Variants in DIP2C observed in about 807,000 individuals in gnomAD.
DIP2C encodes DIP2 acetate--CoA ligase C (putative).
A neutral mutation model predicts 192.4 loss-of-function variants in DIP2C; 33 were observed. That is an observed-to-expected ratio of 0.17 (90% confidence interval 0.13 to 0.23). The LOEUF is 0.23. Among genes scored for constraint, DIP2C ranks in the 10% least tolerant of loss-of-function variants. The pLI, the probability that DIP2C is intolerant of heterozygous loss-of-function variation, is 1.00. For missense variants in DIP2C, 1,537 were observed against 2,110.1 expected (o/e 0.73, Z 5.32); for synonymous variants, 979 against 864.1 (o/e 1.13, Z -2.33).
chr10:606,301 AGCCACACAGCTCAGGGCACG>A (rs916229691), intron 1 of DIP2C, among the ~76,000 whole-genome samples: 4 of 152,172 alleles, frequency 2.6e-5, no homozygotes, highest in Admixed American at 1.3e-4. Flanking sequence ...CACCAGTCAC[AGCCACACAGCTCAGGGCACG>A]GCCACTCGCC....
intron 2 of DIP2C, among the ~76,000 whole-genome samples, chr10:483,372 G>A (rs556781230): frequency 8.5e-5 from 13 of 152,338 alleles, no homozygotes; most frequent in Middle Eastern, 3.4e-3. Flanking sequence ...AGCAGCCTCG[G>A]CTTTGGAAAC....
At chr10:453,227 T>C (rs1244031748) in intron 3 of DIP2C, among the ~76,000 whole-genome samples, 2 of 152,152 alleles carry the variant, frequency 1.3e-5, no homozygotes, top group African/African-American at 2.4e-5. Flanking sequence ...CTCCAAAGCC[T>C]TAATTACAAA....
chr10:523,675 C>T (rs79363144), intron 1 of DIP2C, among the ~76,000 whole-genome samples: 3 of 74,396 alleles, frequency 4.0e-5, no homozygotes, highest in Non-Finnish European at 9.0e-5. Context: ...CCTGGAGTGA[C>T]GATGCAGGGA....
chr10:567,757 C>T (rs1489668835), intron 1 of DIP2C, among the ~76,000 whole-genome samples: 3 of 152,174 alleles, frequency 2.0e-5, no homozygotes, highest in Non-Finnish European at 4.4e-5. Flanking sequence ...CCTGCCTCAG[C>T]CTCCAGAGTA....
In DIP2C at chr10:384,410, G is replaced by A. The variant is rs529560259; in HGVS notation, c.1756+136C>T. 736 of 905,790 alleles carry A rather than the reference G, an allele frequency of 8.1e-4. 11 individuals are homozygous for A. In the South Asian group the frequency reaches 0.012, roughly 14 times the overall value. The allele number at this position is 905,790 out of a possible 1,614,324, so 56.1% of individuals were successfully genotyped here. On this transcript the variant is annotated intron_variant, in intron 15 of 36. Transcript: ENST00000280886. The stretch of plus-strand genomic sequence containing the variant: ...GCGCCATCAGGCCTGGCTAATTTTT[G>A]TATTATTAGTAGAAACGGGGTTTCT...
At chr10:291,900 CCGGGAGCCAGA>C (rs1296065054) in intron 32 of DIP2C, among the ~76,000 whole-genome samples, 2 of 152,204 alleles carry the variant, frequency 1.3e-5, no homozygotes, top group African/African-American at 4.8e-5. Flanking sequence ...TCTGTGGACT[CCGGGAGCCAGA>C]GGGGAGCAGG....
rs1318046098 is a variant in DIP2C, at chr10:617,754, C to T, written c.85+71740G>A. ...GGGCGCTCACCTGCTCCTTGTTGCA[C>T]GTAATGACCTGCCACACAGGGCAAC... On this transcript the variant is annotated intron_variant, in intron 1 of 36. Coordinates refer to ENST00000280886, the MANE Select transcript of DIP2C (RefSeq NM_014974.3). Among the ~76,000 whole-genome samples, 5 of 150,864 alleles carry T rather than the reference C, an allele frequency of 3.3e-5. No homozygotes were observed. In the East Asian group the frequency reaches 9.9e-4, roughly 30 times the overall value.
chr10:656,769 G>A (rs976909746), intron 1 of DIP2C, among the ~76,000 whole-genome samples: 13 of 152,300 alleles, frequency 8.5e-5, no homozygotes, highest in African/African-American at 2.4e-4. Flanking sequence ...GTCGGTGAAT[G>A]GAAGGCAACA....
chr10:418,964 G>T (rs11252313), intron 6 of DIP2C, 101 bp downstream of exon 6: 35 of 1,544,206 alleles, frequency 2.3e-5, no homozygotes, highest in Non-Finnish European at 2.8e-5. Flanking sequence ...TGTCAGAACC[G>T]ATTGTACCCC....
intron 7 of DIP2C, 36 bp from the exon 8 acceptor site, chr10:414,146 T>G (rs370220028): frequency 1.9e-6 from 3 of 1,584,332 alleles, no homozygotes; most frequent in East Asian, 2.3e-5. Flanking sequence ...ACAAGAGAAA[T>G]GCATCCACAT....
At chr10:496,501 CCG>C (rs2133617204) in intron 1 of DIP2C, among the ~76,000 whole-genome samples, 1 of 150,826 alleles carries the variant, frequency 6.6e-6, no homozygotes, top group Non-Finnish European at 1.5e-5. Context: ...CAGTGCCCTC[CCG>C]TGTACTTAAA....
At chr10:313,182 G>A (rs551387733) in intron 31 of DIP2C, among the ~76,000 whole-genome samples, 7 of 152,160 alleles carry the variant, frequency 4.6e-5, no homozygotes, top group Non-Finnish European at 8.8e-5. Flanking sequence ...GCCAAAGAAT[G>A]CTAGCCAGTG....
chr10:414,331 G>A (rs1485235686), intron 7 of DIP2C, among the ~76,000 whole-genome samples: 3 of 152,086 alleles, frequency 2.0e-5, no homozygotes, highest in African/African-American at 7.2e-5. Context: ...TGGGTAGAGC[G>A]CTTAGGTGGA....
intron 1 of DIP2C, among the ~76,000 whole-genome samples, chr10:597,557 C>T (rs999272542): frequency 3.9e-5 from 6 of 152,240 alleles, no homozygotes; most frequent in Non-Finnish European, 8.8e-5. Flanking sequence ...GGCAGGAGTG[C>T]ACTAACGCTG....
chr10:431,356 G>A (rs1234544870), intron 4 of DIP2C, among the ~76,000 whole-genome samples: 1 of 152,210 alleles, frequency 6.6e-6, no homozygotes, highest in Admixed American at 6.5e-5. Flanking sequence ...TTCTGTGAAT[G>A]AGTTTTGTAG....
intron 3 of DIP2C, among the ~76,000 whole-genome samples, chr10:464,857 T>G (rs1276042708): frequency 6.6e-6 from 1 of 151,968 alleles, no homozygotes; most frequent in East Asian, 1.9e-4. Context: ...AATCTCTGAA[T>G]AGACCAATAA....
At chr10:646,495 C>T (rs181170536) in intron 1 of DIP2C, among the ~76,000 whole-genome samples, 47 of 152,388 alleles carry the variant, frequency 3.1e-4, no homozygotes, top group Non-Finnish European at 6.0e-4. Context: ...GCACCTGCTC[C>T]TGCCGGCCTG....
intron 1 of DIP2C, chr10:662,058 T>C: frequency 1.4e-6 from 1 of 717,148 alleles, no homozygotes; most frequent in Non-Finnish European, 2.6e-6. Flanking sequence ...CTCCACAGCA[T>C]ACCGCACATC....
At chr10:611,747 A>T (rs1320237472) in intron 1 of DIP2C, among the ~76,000 whole-genome samples, 1 of 152,224 alleles carries the variant, frequency 6.6e-6, no homozygotes, top group Non-Finnish European at 1.5e-5. Flanking sequence ...CCATGAGAGC[A>T]GGGGCTCTTG....
Sources: allele counts gnomAD v4.1 joint callset (sites outside exome capture counted in the v4.1 genomes callset), GRCh38; gene constraint gnomAD v4.1.1; transcripts MANE v1.5; gene names NCBI Gene and HGNC (gene_info 2026-07-23, HGNC 2026-07-21).